EYS: variants seen among roughly 807,000 people sequenced by gnomAD.
The protein encoded by EYS is EGF-like photoreceptor maintenance factor.
A neutral mutation model predicts 282.1 loss-of-function variants in EYS; 250 were observed. The observed-to-expected ratio is 0.89, with a 90% CI of 0.80 to 0.98. The LOEUF (loss-of-function observed/expected upper bound fraction) is 0.98. Ranked by LOEUF, EYS falls within the 50% of genes least tolerant of loss-of-function variation. The pLI, the probability that EYS is intolerant of heterozygous loss-of-function variation, is 0.00. For missense variants in EYS, 4,016 were observed against 3,709.0 expected, an observed-to-expected ratio of 1.08 and a Z score of -2.15; for synonymous variants, 1,355 against 1,282.9, an observed-to-expected ratio of 1.06 and a Z score of -1.20.
At chr6:65,559,506 A>G (rs1331205) in intron 2 of EYS, among the ~76,000 whole-genome samples, 36,362 of 152,028 alleles carry the variant, frequency 0.24, 4,479 homozygotes, top group East Asian at 0.31. Flanking sequence ...TTCACTCCCC[A>G]AGATTAGGCT....
intron 12 of EYS, among the ~76,000 whole-genome samples, chr6:65,086,088 T>G (rs1202840389): frequency 6.6e-6 from 1 of 151,596 alleles, no homozygotes; most frequent in Non-Finnish European, 1.5e-5. Flanking sequence ...TTAAATATGA[T>G]AGTTTGAAAT....
chr6:63,774,537 G>A (rs993957029), intron 40 of EYS, among the ~76,000 whole-genome samples: 1 of 152,152 alleles, frequency 6.6e-6, no homozygotes, highest in African/African-American at 2.4e-5. Context: ...ATACAACATG[G>A]TGACTATGGT....
chr6:64,150,690 A>G (rs1412759003), intron 31 of EYS, among the ~76,000 whole-genome samples: 3 of 150,264 alleles, frequency 2.0e-5, no homozygotes, highest in Non-Finnish European at 4.4e-5. Flanking sequence ...TAAGCGTTAA[A>G]CATATAAAAA....
chr6:64,282,132 AATC>A (rs1430571894), intron 30 of EYS, among the ~76,000 whole-genome samples: 1 of 152,152 alleles, frequency 6.6e-6, no homozygotes, highest in Non-Finnish European at 1.5e-5. Context: ...AAAAACATGG[AATC>A]ATCATATAAA....
chr6:64,424,642 G>A (rs773730614), intron 28 of EYS, among the ~76,000 whole-genome samples: 5 of 152,058 alleles, frequency 3.3e-5, no homozygotes, highest in Non-Finnish European at 5.9e-5. Flanking sequence ...TCCAACACCT[G>A]CCCACCGTTG....
intron 15 of EYS, among the ~76,000 whole-genome samples, chr6:64,925,219 C>A (rs1341863663): frequency 6.6e-6 from 1 of 152,120 alleles, no homozygotes; most frequent in Admixed American, 6.5e-5. Flanking sequence ...CTGGTAAACC[C>A]GTCAGATCTC....
chr6:64,142,857 G>C (rs1295843026), intron 31 of EYS, among the ~76,000 whole-genome samples: 1 of 152,154 alleles, frequency 6.6e-6, no homozygotes, highest in East Asian at 1.9e-4. Context: ...ATTGAATATG[G>C]AGGTAAGAGA....
chr6:63,833,385 C>T (rs562165865), intron 36 of EYS, among the ~76,000 whole-genome samples: 161 of 152,288 alleles, frequency 1.1e-3, no homozygotes, highest in Non-Finnish European at 1.8e-3. Context: ...GATACAAAAT[C>T]AATGTGCAAA....
chr6:65,505,867 T>G (rs1452062346), intron 2 of EYS, among the ~76,000 whole-genome samples: 2 of 152,174 alleles, frequency 1.3e-5, no homozygotes, highest in African/African-American at 4.8e-5. Flanking sequence ...CTCCTGCTGT[T>G]GGATAGACTA....
At chr6:64,910,850 AT>A (rs1314012102) in intron 16 of EYS, among the ~76,000 whole-genome samples, 1 of 152,056 alleles carries the variant, frequency 6.6e-6, no homozygotes, top group African/African-American at 2.4e-5. Flanking sequence ...TAGCAAAAGA[AT>A]TTTTAAAATA....
chr6:65,322,010 G>T (rs1489859764), intron 11 of EYS, among the ~76,000 whole-genome samples: 1 of 152,040 alleles, frequency 6.6e-6, no homozygotes, highest in Admixed American at 6.5e-5. Context: ...CAGCTTCCTC[G>T]TACCAAGATA....
chr6:64,623,668 T>C (rs1582965313), intron 23 of EYS, among the ~76,000 whole-genome samples: 1 of 152,108 alleles, frequency 6.6e-6, no homozygotes, highest in African/African-American at 2.4e-5. Flanking sequence ...GAAAAATTAG[T>C]ATTCTATCAA....
chr6:64,176,874 T>C (rs562240006), intron 31 of EYS, among the ~76,000 whole-genome samples: 1 of 152,160 alleles, frequency 6.6e-6, no homozygotes, highest in Admixed American at 6.6e-5. Flanking sequence ...ATTAAATAAA[T>C]GACCTTAGGC....
intron 22 of EYS, among the ~76,000 whole-genome samples, chr6:64,644,949 T>C (rs1248406581): frequency 2.6e-5 from 4 of 152,224 alleles, no homozygotes; most frequent in African/African-American, 4.8e-5. Flanking sequence ...ACTCTTTTAT[T>C]AGTAGTTATT....
intron 28 of EYS, among the ~76,000 whole-genome samples, chr6:64,425,622 C>A (rs1210283640): frequency 6.9e-6 from 1 of 145,618 alleles, no homozygotes; most frequent in Admixed American, 6.9e-5. Context: ...CCATTGCACT[C>A]CAGCCTGGGC....
chr6:65,237,766 G>A (rs997559649), intron 12 of EYS, among the ~76,000 whole-genome samples: 1 of 152,092 alleles, frequency 6.6e-6, no homozygotes, highest in Non-Finnish European at 1.5e-5. Flanking sequence ...TGCTAACATT[G>A]AAATACTGTT....
intron 30 of EYS, among the ~76,000 whole-genome samples, chr6:64,266,670 A>G (rs1767769682): frequency 6.6e-6 from 1 of 152,110 alleles, no homozygotes; most frequent in Non-Finnish European, 1.5e-5. Context: ...ATTTATGGCA[A>G]CCTCACTCAT....
chr6:64,273,326 C>T (rs1768001578), intron 30 of EYS, among the ~76,000 whole-genome samples: 2 of 152,118 alleles, frequency 1.3e-5, no homozygotes. Flanking sequence ...TGATCGACTT[C>T]TTTATTTTGC....
At chr6:65,580,104 T>C (rs1210013693) in intron 2 of EYS, among the ~76,000 whole-genome samples, 2 of 152,178 alleles carry the variant, frequency 1.3e-5, no homozygotes, top group Non-Finnish European at 2.9e-5. Flanking sequence ...CATGCATCAG[T>C]ACTTTGTTAG....
Sources: gnomAD v4.1 joint callset for allele counts (sites outside exome capture counted in the v4.1 genomes callset) on GRCh38, gnomAD v4.1.1 for gene constraint, MANE v1.5 for transcripts, NCBI Gene and HGNC (gene_info 2026-07-23, HGNC 2026-07-21) for gene names.